NXPH2: variants seen among roughly 807,000 people sequenced by gnomAD.
The protein encoded by NXPH2 is neurexophilin-2.
In NXPH2, 5 loss-of-function variants were observed where a neutral mutation model predicts 19.8. The observed-to-expected ratio is 0.25, with a 90% CI of 0.13 to 0.53. The LOEUF (loss-of-function observed/expected upper bound fraction) is 0.53. Ranked by LOEUF, NXPH2 falls within the 20% of genes least tolerant of loss-of-function variation. The probability of loss-of-function intolerance (pLI) is 0.96; values close to 1 mark genes in which losing one functional copy is unlikely to be tolerated. For missense variants in NXPH2, 289 were observed against 322.8 expected, an observed-to-expected ratio of 0.90 and a Z score of 0.80; for synonymous variants, 154 against 127.4, an observed-to-expected ratio of 1.21 and a Z score of -1.41.
At position 138,728,751 on chromosome 2, in the gene NXPH2, C is replaced by A. The variant is rs149011598; in HGVS notation, c.51+51440G>T. Among the ~76,000 whole-genome samples the A allele has an allele frequency of 6.8e-4, 104 of 152,274 alleles. 1 individual carries two copies. The East Asian group carries it at 0.019, about 27-fold the overall frequency. ...AAAAAGTTTGACATTATGTAGACAG[C>A]AAGCTATGCATAATAAATAAAGCAA... On this transcript the variant is annotated intron_variant, in intron 1 of 1. Coordinates refer to ENST00000272641, the MANE Select transcript of NXPH2 (RefSeq NM_007226.3).
intron 1 of NXPH2, among the ~76,000 whole-genome samples, chr2:138,760,138 T>A (rs1681987600): frequency 6.6e-6 from 1 of 152,188 alleles, no homozygotes; most frequent in Non-Finnish European, 1.5e-5. Flanking sequence ...CTTATTAAAT[T>A]CATTCATCCC....
chr2:138,728,195 C>T (rs1207091057), intron 1 of NXPH2, among the ~76,000 whole-genome samples: 3 of 152,266 alleles, frequency 2.0e-5, no homozygotes, highest in African/African-American at 7.2e-5. Context: ...TCTCTCTTCC[C>T]TCTGTCTCTC....
chr2:138,739,930 T>A (rs557727649), intron 1 of NXPH2, among the ~76,000 whole-genome samples: 1 of 152,340 alleles, frequency 6.6e-6, no homozygotes, highest in South Asian at 2.1e-4. Context: ...GATACAGTTC[T>A]TGACCCTGGA....
rs1680401714 is a variant in NXPH2 at position 138,670,814 on chromosome 2, T to C, written c.*108A>G. On this transcript the variant is annotated 3_prime_UTR_variant, in exon 2 of 2. Coordinates refer to ENST00000272641, the MANE Select transcript of NXPH2 (RefSeq NM_007226.3). ...TTGAAAACCTGATAGGGAACTATTG[T>C]TCACTGCCAGAAACAAAAGGGATCC... The C allele has an allele frequency of 1.7e-6, 2 of 1,210,160 alleles. No homozygotes were observed. Among genetic ancestry groups the C allele is most frequent in the Non-Finnish European group, 2.3e-6 (2 of 879,734 alleles). The allele number at this position is 1,210,160 out of a possible 1,614,324, so 75.0% of individuals were successfully genotyped here.
At chr2:138,719,129 A>T (rs2104992499) in intron 1 of NXPH2, among the ~76,000 whole-genome samples, 1 of 152,336 alleles carries the variant, frequency 6.6e-6, no homozygotes, top group Non-Finnish European at 1.5e-5. Context: ...TTAATAAAAG[A>T]TTACTTAAAT....
At chr2:138,779,779 A>C (rs994910105) in intron 1 of NXPH2, among the ~76,000 whole-genome samples, 1 of 152,202 alleles carries the variant, frequency 6.6e-6, no homozygotes, top group Non-Finnish European at 1.5e-5. Flanking sequence ...GCATCTGGGC[A>C]AAACACCACG....
intron 1 of NXPH2, among the ~76,000 whole-genome samples, chr2:138,710,289 C>G (rs763206924): frequency 6.6e-6 from 1 of 152,092 alleles, no homozygotes; most frequent in Admixed American, 6.6e-5. Context: ...GTATGTACCA[C>G]GTTTTGTTTA....
chr2:138,780,158 G>T, intron 1 of NXPH2, 33 bp downstream of exon 1: 2 of 1,473,602 alleles, frequency 1.4e-6, no homozygotes, highest in South Asian at 1.3e-5. Context: ...CGCGTCCCCG[G>T]CGTGTGGGAC....
intron 1 of NXPH2, among the ~76,000 whole-genome samples, chr2:138,742,615 C>A (rs1035251626): frequency 2.0e-5 from 3 of 152,164 alleles, no homozygotes; most frequent in Non-Finnish European, 1.5e-5. Context: ...GTGTACAGGA[C>A]ACCAGCAGGG....
chr2:138,676,210 T>C (rs766570929), intron 1 of NXPH2, among the ~76,000 whole-genome samples: 19 of 152,220 alleles, frequency 1.2e-4, no homozygotes, highest in Non-Finnish European at 2.2e-4. Flanking sequence ...AAGAATATAA[T>C]GTAAAGGGCA....
At chr2:138,748,826 TA>T (rs915201700) in intron 1 of NXPH2, among the ~76,000 whole-genome samples, 4 of 152,106 alleles carry the variant, frequency 2.6e-5, no homozygotes, top group East Asian at 1.9e-4. Flanking sequence ...GAAGTTAGAC[TA>T]AAAAAGACAT....
intron 1 of NXPH2, among the ~76,000 whole-genome samples, chr2:138,737,009 C>G (rs1681558261): frequency 6.6e-6 from 1 of 152,184 alleles, no homozygotes; most frequent in South Asian, 2.1e-4. Flanking sequence ...ATATCCCTAT[C>G]AGTATTTTGG....
chr2:138,728,875 G>A (rs905224838), intron 1 of NXPH2, among the ~76,000 whole-genome samples: 2 of 152,090 alleles, frequency 1.3e-5, no homozygotes, highest in South Asian at 2.1e-4. Context: ...TCTAAATGTC[G>A]GGAATCATGC....
At chr2:138,764,047 G>A (rs1682054748) in intron 1 of NXPH2, among the ~76,000 whole-genome samples, 1 of 152,108 alleles carries the variant, frequency 6.6e-6, no homozygotes, top group South Asian at 2.1e-4. Flanking sequence ...ACACAAAGAT[G>A]TGCACCCACA....
intron 1 of NXPH2, among the ~76,000 whole-genome samples, chr2:138,726,722 C>G (rs1232556412): frequency 2.0e-5 from 3 of 152,160 alleles, no homozygotes; most frequent in African/African-American, 7.2e-5. Context: ...CCCCCATTGT[C>G]AGCATCCTGC....
chr2:138,778,645 A>G (rs1682303064), intron 1 of NXPH2, among the ~76,000 whole-genome samples: 1 of 152,200 alleles, frequency 6.6e-6, no homozygotes, highest in South Asian at 2.1e-4. Context: ...ACCCCACATA[A>G]ACACCTGATT....
chr2:138,697,735 A>G (rs1680849379), intron 1 of NXPH2, among the ~76,000 whole-genome samples: 1 of 151,910 alleles, frequency 6.6e-6, no homozygotes. Context: ...TATGTTTGAG[A>G]AAAACAAAAT....
intron 1 of NXPH2, among the ~76,000 whole-genome samples, chr2:138,757,106 T>C (rs945655786): frequency 1.3e-5 from 2 of 152,232 alleles, no homozygotes; most frequent in Non-Finnish European, 1.5e-5. Flanking sequence ...AGAATTGTAT[T>C]GAACACTTTA....
Position 138,745,453 on chromosome 2 carries a change from C to T in NXPH2, c.51+34738G>A, listed in dbSNP as rs189674742. Among the ~76,000 whole-genome samples, 111 of 136,950 alleles carry T rather than the reference C, an allele frequency of 8.1e-4. No individual in the cohort carries two copies. In the East Asian group the frequency reaches 9.8e-3, roughly 12 times the overall value. 89.8% of individuals were successfully genotyped at this position (136,950 alleles called of 152,430 possible). A position where few individuals can be genotyped will look rare whatever the true frequency, so the allele number is the denominator to read the frequency against. ...GTACTGGCCACTTAAGTTTCCACTT[C>T]GGTGCAATGCCTATGCACATCCTTT... On this transcript the variant is annotated intron_variant, in intron 1 of 1. Transcript: ENST00000272641.
Sources: gnomAD v4.1 joint callset for allele counts (sites outside exome capture counted in the v4.1 genomes callset) on GRCh38, gnomAD v4.1.1 for gene constraint, MANE v1.5 for transcripts, NCBI Gene and HGNC (gene_info 2026-07-23, HGNC 2026-07-21) for gene names.